Variants in SRP19 observed in about 807,000 individuals in gnomAD.
The protein encoded by SRP19 is signal recognition particle 19, also known as signal recognition particle 19 kDa protein.
In SRP19, 11 loss-of-function variants were observed where a neutral mutation model predicts 22.4. The observed-to-expected ratio is 0.49, with a 90% CI of 0.31 to 0.81. The LOEUF is 0.81. Among genes scored for constraint, SRP19 ranks in the 40% least tolerant of loss-of-function variants. The pLI, the probability that SRP19 is intolerant of heterozygous loss-of-function variation, is 0.05. For synonymous variants in SRP19, 61 were observed against 57.6 expected, an observed-to-expected ratio of 1.06 and a Z score of -0.27; for missense variants, 168 against 175.9, an observed-to-expected ratio of 0.96 and a Z score of 0.25.
intron 1 of SRP19, 168 bp from the exon 2 acceptor site, chr5:112,862,340 G>T (rs1233562731): frequency 4.4e-6 from 3 of 684,000 alleles, no homozygotes; most frequent in Admixed American, 2.4e-5. Flanking sequence ...GGACCACTCC[G>T]AGGTACTTTG....
chr5:112,897,430 A>G (rs952632886), downstream of SRP19: 7 of 151,862 alleles, frequency 4.6e-5, no homozygotes, highest in Non-Finnish European at 8.8e-5. Context: ...ACTTTGTTTT[A>G]TTCGCCAAAG....
At chr5:112,898,190 T>G (rs1258524144) in exon 4 of SRP19, 2 of 152,270 alleles carry the variant, frequency 1.3e-5, no homozygotes, top group Non-Finnish European at 2.9e-5. Flanking sequence ...CTCCTGAACC[T>G]TCTCCTACAG....
chr5:112,871,660 A>C (rs761154067), downstream of SRP19, among the ~76,000 whole-genome samples: 31 of 152,042 alleles, frequency 2.0e-4, no homozygotes, highest in Admixed American at 9.8e-4. Context: ...CGGGAGGCTG[A>C]GGCAGGAGAA....
chr5:112,869,864 G>C (rs1343263949), downstream of SRP19: 2 of 152,310 alleles, frequency 1.3e-5, no homozygotes, highest in Non-Finnish European at 2.9e-5. Flanking sequence ...CAGCAATGCG[G>C]AACTGTGAGT....
chr5:112,864,755 G>T, intron 4 of SRP19, 23 bp downstream of exon 4: 5 of 1,559,646 alleles, frequency 3.2e-6, no homozygotes, highest in South Asian at 2.3e-5. Flanking sequence ...AAATGAATCA[G>T]TGGGGCTCAG....
chr5:112,862,844 A>G (rs964470356), intron 2 of SRP19, among the ~76,000 whole-genome samples: 6 of 152,174 alleles, frequency 3.9e-5, no homozygotes, highest in African/African-American at 9.7e-5. Flanking sequence ...TAGAGTTCAC[A>G]TGTTTTTAAA....
chr5:112,863,390 T>C (rs1249742978), intron 2 of SRP19, among the ~76,000 whole-genome samples: 1 of 152,194 alleles, frequency 6.6e-6, no homozygotes, highest in Non-Finnish European at 1.5e-5. Flanking sequence ...CATTGCCGAT[T>C]TGAGCTAGAT....
chr5:112,892,821 C>T (rs762925910), exon 5 of SRP19: 1 of 1,613,730 alleles, frequency 6.2e-7, no homozygotes, highest in Non-Finnish European at 8.5e-7. Flanking sequence ...ACCACACCTA[C>T]AAAAGAAATG....
intron 4 of SRP19, chr5:112,887,099 GGAA>G: frequency 1.2e-6 from 2 of 1,613,736 alleles, no homozygotes; most frequent in Non-Finnish European, 1.7e-6. Context: ...TCGTGCTTCA[GGAA>G]GAAAGGACGG....
chr5:112,866,649 T>C (rs1196185089), intron 4 of SRP19, among the ~76,000 whole-genome samples: 1 of 152,194 alleles, frequency 6.6e-6, no homozygotes, highest in Non-Finnish European at 1.5e-5. Flanking sequence ...TTGTTTTTTA[T>C]ATACTAAAAC....
chr5:112,888,354 G>A (rs1768325278), intron 4 of SRP19, among the ~76,000 whole-genome samples: 2 of 152,224 alleles, frequency 1.3e-5, no homozygotes, highest in African/African-American at 2.4e-5. Flanking sequence ...TGTTGGCTCT[G>A]AGAAATTTAT....
chr5:112,867,305 C>A, intron 4 of SRP19, 99 bp from the exon 5 acceptor site: 1 of 1,377,784 alleles, frequency 7.3e-7, no homozygotes, highest in Non-Finnish European at 9.8e-7. Context: ...TTTCCATTTT[C>A]TTGATGTGAT....
chr5:112,879,384 A>C (rs1226150596), intron 4 of SRP19, among the ~76,000 whole-genome samples: 1 of 152,048 alleles, frequency 6.6e-6, no homozygotes, highest in Non-Finnish European at 1.5e-5. Flanking sequence ...AACCCTACAG[A>C]TACCAAAATC....
chr5:112,871,706 C>T (rs1767766454), downstream of SRP19, among the ~76,000 whole-genome samples: 2 of 151,986 alleles, frequency 1.3e-5, no homozygotes, highest in African/African-American at 4.8e-5. Context: ...TTGCAGTGAG[C>T]CAAAATTGTG....
chr5:112,891,675 G>A, exon 5 of SRP19: 1 of 1,613,570 alleles, frequency 6.2e-7, no homozygotes, highest in Non-Finnish European at 8.5e-7. Flanking sequence ...TTCCCAAGAA[G>A]ATGACATTTC....
chr5:112,889,070 C>A lies in SRP19; in HGVS notation c.302-2533C>A, dbSNP rs1389173297. Among the ~76,000 whole-genome samples the A allele has an allele frequency of 2.0e-5, 3 of 150,872 alleles. 1 individual carries two copies. The highest frequency in any genetic ancestry group is 1.3e-4 in the Admixed American group (2 of 15,142). ...CATGTAAGACATCCCTTTGCTTTTC[C>A]TTCATCTTCCACCATGATTGTGAGG... On this transcript the variant is annotated intron_variant, in intron 4 of 4. Coordinates refer to the SRP19 transcript ENST00000391338.
chr5:112,897,182 A>C (rs990091860), downstream of SRP19: 2 of 152,084 alleles, frequency 1.3e-5, no homozygotes, highest in African/African-American at 4.8e-5. Context: ...TCTAAGCCAC[A>C]CATATGTTAA....
intron 2 of SRP19, among the ~76,000 whole-genome samples, chr5:112,863,451 C>CACTAGA (rs961547131): frequency 6.6e-6 from 1 of 152,090 alleles, no homozygotes; most frequent in African/African-American, 2.4e-5. Flanking sequence ...AGCAGTATCC[C>CACTAGA]TGGCCTCTAC....
intron 4 of SRP19, among the ~76,000 whole-genome samples, chr5:112,875,762 C>T (rs984347237): frequency 1.3e-5 from 2 of 151,986 alleles, no homozygotes; most frequent in African/African-American, 4.8e-5. Context: ...TTTACTACAT[C>T]AAAGCCAGGC....
Sources: allele counts gnomAD v4.1 joint callset (sites outside exome capture counted in the v4.1 genomes callset), GRCh38; gene constraint gnomAD v4.1.1; transcripts MANE v1.5; gene names NCBI Gene and HGNC (gene_info 2026-07-23, HGNC 2026-07-21).